Variants in ROS1 observed in about 807,000 individuals in gnomAD.
ROS1 encodes the protein ROS proto-oncogene 1, receptor tyrosine kinase.
ROS1 carries 263 observed loss-of-function variants against 273.5 expected under a neutral mutation model. The ratio of observed to expected loss-of-function variants is 0.96; its 90% CI spans 0.87 to 1.06. The LOEUF (loss-of-function observed/expected upper bound fraction) is 1.06, where lower values mean the gene tolerates loss of function less well. Ranked by LOEUF, ROS1 falls within the 50% of genes least tolerant of loss-of-function variation. The probability of loss-of-function intolerance (pLI) is 0.00; values close to 1 mark genes in which losing one functional copy is unlikely to be tolerated. For missense variants in ROS1, 2,833 were observed against 2,751.1 expected (o/e 1.03, Z -0.67); for synonymous variants, 1,008 against 954.1 (o/e 1.06, Z -1.04).
At chr6:117,373,440 G>A (rs947688803) in intron 18 of ROS1, among the ~76,000 whole-genome samples, 3 of 152,250 alleles carry the variant, frequency 2.0e-5, no homozygotes, top group Non-Finnish European at 2.9e-5. Flanking sequence ...GCAGGGAGGC[G>A]CTGAGGCCCG....
chr6:117,316,670 A>T (rs796695689), intron 39 of ROS1, among the ~76,000 whole-genome samples: 7 of 150,998 alleles, frequency 4.6e-5, no homozygotes, highest in African/African-American at 1.7e-4. Flanking sequence ...TGGGTGGAGT[A>T]GGAGAGGACG....
intron 43 of ROS1, chr6:117,299,671 C>T (rs1774528804): frequency 6.6e-6 from 1 of 152,158 alleles, no homozygotes; most frequent in East Asian, 1.9e-4. Context: ...TCCATCTTGC[C>T]AGTTTCGTTT....
Position 117,344,113 on chromosome 6 carries a change from A to G in ROS1, c.4453T>C (p.Tyr1485His). ...TTTTTCCTGTCATTAACTTCTGCATAATAAACCAGGTATGTTGGAGTAGGG... is the reference window on the plus strand; with the variant it reads ...TTTTTCCTGTCATTAACTTCTGCATGATAAACCAGGTATGTTGGAGTAGGG... ...TSPTPTYLVY[Y>H]AEVNDRKNSS... The change falls in exon 28 of 44, where the codon TAT becomes CAT. Residue 1485 changes from tyrosine to histidine, a missense_variant. Physicochemically the swap from Tyr to His is moderately conservative, Grantham distance 83. Transcript: ENST00000368507. 1 of 1,614,056 alleles carries G rather than the reference A, an allele frequency of 6.2e-7. No homozygotes were observed. Among genetic ancestry groups the G allele is most frequent in the Non-Finnish European group, 8.5e-7 (1 of 1,179,964 alleles).
At chr6:117,301,890 CATT>C (rs2128538475) in intron 42 of ROS1, 1 of 152,270 alleles carries the variant, frequency 6.6e-6, no homozygotes, top group Non-Finnish European at 1.5e-5. Flanking sequence ...GTTAATTAAA[CATT>C]ATCTTTTCCT....
rs1455911125 is a variant in ROS1, at chr6:117,404,354, C to T, written c.391G>A (p.Ala131Thr). Reference protein sequence around the residue: ...SHNMTLRWKSANFSGVKYIIQ... With the variant: ...SHNMTLRWKSTNFSGVKYIIQ... ...ATGTATTTTACTCCAGAGAAGTTTGCAGATTTCCATCGTAATGTCATATTG... is the reference window on the plus strand; with the variant it reads ...ATGTATTTTACTCCAGAGAAGTTTGTAGATTTCCATCGTAATGTCATATTG... Residue 131 changes from alanine (A) to threonine (T), a missense_variant, in exon 6 of 44, where the codon GCA (alanine) becomes ACA (threonine). Physicochemically the swap from Ala to Thr is moderately conservative, Grantham distance 58. Coordinates refer to ENST00000368507, the MANE Select transcript of ROS1 (RefSeq NM_001378902.1). 7.4e-6 allele frequency: 12 copies of T among 1,613,866 alleles called. No homozygotes were observed. Among genetic ancestry groups the T allele is most frequent in the Non-Finnish European group, 9.3e-6 (11 of 1,179,794 alleles).
intron 29 of ROS1, 64 bp downstream of exon 29, chr6:117,342,336 A>T: frequency 7.1e-7 from 1 of 1,404,352 alleles, no homozygotes; most frequent in Non-Finnish European, 9.8e-7. Context: ...AATAAACATC[A>T]ACATACACAG....
At chr6:117,337,149 G>C (rs2128616522) in intron 32 of ROS1, 23 bp downstream of exon 32, 1 of 1,579,090 alleles carries the variant, frequency 6.3e-7, no homozygotes, top group African/African-American at 1.4e-5. Flanking sequence ...AGTTTTCTGA[G>C]TATTGAGTAT....
At chr6:117,376,712 T>C (rs1470039076) in intron 18 of ROS1, among the ~76,000 whole-genome samples, 4 of 151,406 alleles carry the variant, frequency 2.6e-5, no homozygotes, top group Non-Finnish European at 5.9e-5. Flanking sequence ...AAAAGATATG[T>C]TAGACATCTA....
intron 26 of ROS1, among the ~76,000 whole-genome samples, chr6:117,355,050 A>G (rs1430484837): frequency 6.6e-6 from 1 of 152,204 alleles, no homozygotes; most frequent in African/African-American, 2.4e-5. Flanking sequence ...AATGTCCATC[A>G]AGGGTGGGAG....
Position 117,365,536 on chromosome 6 carries a change from T to C in ROS1, c.2958+45A>G, listed in dbSNP as rs185910924. 888 of 1,526,968 alleles carry C rather than the reference T, an allele frequency of 5.8e-4. 12 individuals are homozygous for C. In the East Asian group the frequency reaches 0.019, roughly 33 times the overall value. The allele number at this position is 1,526,968 out of a possible 1,614,324, so 94.6% of individuals were successfully genotyped here. ...GTGTGGGCAAGGCTGACACAGATGG[T>C]ACAGTCTGTTTGGGAAATGAAAGTT... On this transcript the variant is annotated intron_variant, in intron 20 of 43. Transcript: ENST00000368507.
At position 117,359,796 on chromosome 6, in the gene ROS1, C is replaced by T. The variant is rs1779631979; in HGVS notation, c.3633+13G>A. 4 of 1,606,548 alleles carry T rather than the reference C, an allele frequency of 2.5e-6. No individual in the cohort carries two copies. Among genetic ancestry groups the T allele is most frequent in the African/African-American group, 1.3e-5 (1 of 74,816 alleles). On this transcript the variant is annotated intron_variant, in intron 24 of 43. Coordinates refer to ENST00000368507, the MANE Select transcript of ROS1 (RefSeq NM_001378902.1). Reference sequence around the variant, plus strand: ...CACTTCCTTTATTTCGGAAGAATTACATAGTGAAATACCTCAGAGCTAGAG... The same window carrying T: ...CACTTCCTTTATTTCGGAAGAATTATATAGTGAAATACCTCAGAGCTAGAG...
chr6:117,321,131 TA>T, intron 36 of ROS1, 127 bp downstream of exon 36: 1 of 935,950 alleles, frequency 1.1e-6, no homozygotes, highest in Non-Finnish European at 1.5e-6. Context: ...AGGAAGTTAT[TA>T]ATAATTATGC....
intron 37 of ROS1, among the ~76,000 whole-genome samples, chr6:117,319,574 T>C (rs900670524): frequency 3.9e-5 from 6 of 152,270 alleles, no homozygotes; most frequent in African/African-American, 1.4e-4. Flanking sequence ...AGAATGTGTT[T>C]CACAACTCCA....
At chr6:117,371,244 C>CA (rs1780741497) in intron 18 of ROS1, among the ~76,000 whole-genome samples, 1 of 152,098 alleles carries the variant, frequency 6.6e-6, no homozygotes, top group African/African-American at 2.4e-5. Context: ...GTGAGATAGC[C>CA]AAAAAACTGA....
rs773426603 is a variant in ROS1, at chr6:117,418,411, A to C, written c.168+51T>G. Reference sequence around the variant, plus strand: ...GATAAAATCTGATCATTGTCCCTTCATTATCAACACAAACATTGTAATATT... The same window carrying C: ...GATAAAATCTGATCATTGTCCCTTCCTTATCAACACAAACATTGTAATATT... On this transcript the variant is annotated intron_variant, in intron 2 of 43. Coordinates refer to ENST00000368507, the MANE Select transcript of ROS1 (RefSeq NM_001378902.1). The C allele has an allele frequency of 5.4e-6, 7 of 1,290,248 alleles. No individual in the cohort carries two copies. The South Asian group carries it at 7.6e-5, about 14-fold the overall frequency. 79.9% of individuals were successfully genotyped at this position (1,290,248 alleles called of 1,614,324 possible). A position where few individuals can be genotyped will look rare whatever the true frequency, so the allele number is the denominator to read the frequency against.
chr6:117,410,233 A>G (rs939708530), intron 4 of ROS1, among the ~76,000 whole-genome samples: 19 of 152,318 alleles, frequency 1.2e-4, no homozygotes, highest in African/African-American at 4.3e-4. Context: ...GTCACATCGT[A>G]TGGTTTGAAA....
In ROS1 at chr6:117,353,123, G is replaced by A. The variant is rs2128638186; in HGVS notation, c.4170C>T (p.Tyr1390=). Residue 1390 remains tyrosine (Y), a synonymous_variant, in exon 27 of 44, where the codon TAC becomes TAT. Transcript: ENST00000368507. ...VSLTVDGDLI[Y]WIITAKDSTQ... The stretch of plus-strand genomic sequence containing the variant: ...TGCTGTCCTTTGCTGTGATGATCCA[G>A]TATATAAGATCTCCATCCACAGTTA... 1 of 1,613,550 alleles carries A rather than the reference G, an allele frequency of 6.2e-7. No individual in the cohort carries two copies.
intron 43 of ROS1, among the ~76,000 whole-genome samples, chr6:117,297,577 A>G (rs1418826302): frequency 6.6e-6 from 1 of 152,158 alleles, no homozygotes; most frequent in Non-Finnish European, 1.5e-5. Context: ...TAGATGTTTT[A>G]TCAAAAGAAG....
In ROS1 at chr6:117,356,817, G is replaced by C; in HGVS notation, c.3938C>G (p.Thr1313Arg). The C allele has an allele frequency of 6.2e-7, 1 of 1,614,130 alleles. No individual in the cohort carries two copies. The highest frequency in any genetic ancestry group is 1.1e-5 in the South Asian group (1 of 91,068). Residue 1313 changes from threonine (T) to arginine (R), a missense_variant, in exon 26 of 44, where the codon ACA becomes AGA. By Grantham distance (71) the Thr-to-Arg change is moderately conservative. Coordinates refer to ENST00000368507, the MANE Select transcript of ROS1 (RefSeq NM_001378902.1). ...TLHRILQPTATNQQNKRNQCS... is the reference protein window; with the variant it reads ...TLHRILQPTARNQQNKRNQCS... ...TTGATTCCTTTTGTTTTGTTGGTTT[G>C]TAGCTGTGGGTTGCAGAATTCGGTG... is the stretch of plus-strand genomic sequence containing the variant.
Sources: gnomAD v4.1 joint callset for allele counts (sites outside exome capture counted in the v4.1 genomes callset) on GRCh38, gnomAD v4.1.1 for gene constraint, MANE v1.5 for transcripts, NCBI Gene and HGNC (gene_info 2026-07-23, HGNC 2026-07-21) for gene names.